ADAMTS13: variants seen among roughly 807,000 people sequenced by gnomAD.
The protein encoded by ADAMTS13 is A disintegrin and metalloproteinase with thrombospondin motifs 13.
A neutral mutation model predicts 155.1 loss-of-function variants in ADAMTS13; 110 were observed. The ratio of observed to expected loss-of-function variants is 0.71; its 90% CI spans 0.61 to 0.83. The LOEUF (loss-of-function observed/expected upper bound fraction) is 0.83, where lower values mean the gene tolerates loss of function less well. Among genes scored for constraint, ADAMTS13 ranks in the 40% least tolerant of loss-of-function variants. The pLI is 0.00. For missense variants in ADAMTS13, 1,707 were observed against 1,891.7 expected, an observed-to-expected ratio of 0.90 and a Z score of 1.81; for synonymous variants, 758 against 756.4, an observed-to-expected ratio of 1.00 and a Z score of -0.03.
chr9:133,436,912 C>T lies in ADAMTS13; in HGVS notation c.1392C>T (p.Gly464=), dbSNP rs782239711. ...DGQPLRSSPG[G]ASFYHWGAAV... is the part of the protein sequence containing the mutation. Reference sequence around the variant, plus strand: ...AGCCGCTGCGCTCCTCCCCTGGCGGCGCCTCCTTCTACCACTGGGGTGCTG... The same window carrying T: ...AGCCGCTGCGCTCCTCCCCTGGCGGTGCCTCCTTCTACCACTGGGGTGCTG... Residue 464 remains glycine, a synonymous_variant, in exon 12 of 29, where the codon GGC becomes GGT. Transcript: ENST00000355699. 1.6e-5 allele frequency: 26 copies of T among 1,589,562 alleles called. No individual in the cohort carries two copies. Among genetic ancestry groups the T allele is most frequent in the East Asian group, 9.1e-5 (4 of 44,056 alleles).
chr9:133,443,746 G>C (rs1841863810), intron 19 of ADAMTS13, among the ~76,000 whole-genome samples, 185 bp downstream of exon 19: 1 of 152,174 alleles, frequency 6.6e-6, no homozygotes, highest in South Asian at 2.1e-4. Flanking sequence ...TACTACCCAG[G>C]AGAGCCTGGG....
Position 133,426,070 on chromosome 9 carries a change from A to G in ADAMTS13, c.539+8A>G, listed in dbSNP as rs782433505. 1 of 1,613,836 alleles carries G rather than the reference A, an allele frequency of 6.2e-7. No homozygotes were observed. The highest frequency in any genetic ancestry group is 1.1e-5 in the South Asian group (1 of 91,082). On this transcript the variant is annotated splice_region_variant and intron_variant, in intron 5 of 28. Coordinates refer to ENST00000355699, the MANE Select transcript of ADAMTS13 (RefSeq NM_139027.6). Reference sequence around the variant, plus strand: ...GGTCCTCTATATCACTAGGTAGCCGAGCTTTCTGATGGGTGCTGGCCAGCC... The same window carrying G: ...GGTCCTCTATATCACTAGGTAGCCGGGCTTTCTGATGGGTGCTGGCCAGCC...
upstream of ADAMTS13, chr9:133,422,249 G>C: frequency 1.6e-6 from 1 of 625,852 alleles, no homozygotes. Context: ...GCAAGGCCCA[G>C]CTTGCAGCAG....
At chr9:133,417,659 T>G, upstream of ADAMTS13, 5 of 1,614,070 alleles carry the variant, frequency 3.1e-6, no homozygotes, top group Non-Finnish European at 4.2e-6. Flanking sequence ...AGTCTTCTGG[T>G]GCCTTTGGAG....
At chr9:133,418,834 G>C (rs930958017), upstream of ADAMTS13, among the ~76,000 whole-genome samples, 1 of 152,228 alleles carries the variant, frequency 6.6e-6, no homozygotes, top group Non-Finnish European at 1.5e-5. Flanking sequence ...TCTGCCTGTG[G>C]ATTTTATTTC....
At position 133,425,713 on chromosome 9, in the gene ADAMTS13, C is replaced by G; in HGVS notation, c.414+101C>G. 7.0e-7 allele frequency: 1 copy of G among 1,438,682 alleles called. No individual in the cohort carries two copies. Among genetic ancestry groups the G allele is most frequent in the Non-Finnish European group, 9.6e-7 (1 of 1,046,586 alleles). 89.1% of individuals were successfully genotyped at this position (1,438,682 alleles called of 1,614,324 possible). Reference sequence around the variant, plus strand: ...CTCTTGTCCCGGATGCCCCAAGCAGCATGGATCACAGAATGCATTCAGCCA... The same window carrying G: ...CTCTTGTCCCGGATGCCCCAAGCAGGATGGATCACAGAATGCATTCAGCCA... On this transcript the variant is annotated intron_variant, in intron 4 of 28. Transcript: ENST00000355699. This position sits in a 1 kb window ranked among gnomAD's most constrained non-coding sequence, Gnocchi z 4.6.
At chr9:133,438,684 C>T (rs1317667101) in intron 14 of ADAMTS13, among the ~76,000 whole-genome samples, 1 of 152,090 alleles carries the variant, frequency 6.6e-6, no homozygotes, top group Admixed American at 6.5e-5. Flanking sequence ...GAGGCTGAGG[C>T]GGGTGGATCA....
At chr9:133,435,894 C>T (rs1271481307) in intron 11 of ADAMTS13, among the ~76,000 whole-genome samples, 2 of 152,050 alleles carry the variant, frequency 1.3e-5, no homozygotes, top group East Asian at 3.8e-4. Flanking sequence ...TTCACATTCC[C>T]ACCAGCATTG....
At chr9:133,436,806 C>T in intron 11 of ADAMTS13, 23 bp from the exon 12 acceptor site, 1 of 1,331,038 alleles carries the variant, frequency 7.5e-7, no homozygotes, top group African/African-American at 1.5e-5. Context: ...CGCCATCCCC[C>T]TCCTCTGCCT....
chr9:133,422,579 TG>T, intron 1 of ADAMTS13, 31 bp downstream of exon 1: 6 of 1,608,268 alleles, frequency 3.7e-6, no homozygotes, highest in Non-Finnish European at 5.1e-6. Context: ...GGGGGTATTC[TG>T]GGAGCCTCTG....
Position 133,442,733 on chromosome 9 carries a change from T to C in ADAMTS13, c.2224T>C (p.Cys742Arg). ...AWPEACVLEP[C>R]PPYWAVGDFG... ...GCCAGAGGCCTGCGTGCTCGAACCC[T>C]GCCCTCCCTAGTGAGTGTGGTGCTG... The change falls in exon 18 of 29, where the codon TGC becomes CGC. Residue 742 changes from cysteine to arginine, a missense_variant. Coordinates refer to ENST00000355699, the MANE Select transcript of ADAMTS13 (RefSeq NM_139027.6). 6.2e-7 allele frequency: 1 copy of C among 1,612,652 alleles called. No homozygotes were observed. Among genetic ancestry groups the C allele is most frequent in the Non-Finnish European group, 8.5e-7 (1 of 1,179,914 alleles).
In ADAMTS13 at chr9:133,445,041, G is replaced by C. The variant is rs1841963511; in HGVS notation, c.2599G>C (p.Gly867Arg). ...EPCVGMSCPP[G>R]WGHLDATSAG... is the part of the protein sequence containing the mutation. The stretch of plus-strand genomic sequence containing the variant: ...CTGTGTCGGGATGTCATGTCCTCCA[G>C]GCTGGGGCCATGTGAGTGCCCTGGG... The change falls in exon 20 of 29, where the codon GGC becomes CGC. Residue 867 changes from glycine to arginine, a missense_variant. Gly to Arg is a moderately radical substitution (Grantham distance 125). This residue lies in a region of ADAMTS13 where 961 missense variants were observed against 1,107.9 expected (regional missense o/e 0.87). Coordinates refer to ENST00000355699, the MANE Select transcript of ADAMTS13 (RefSeq NM_139027.6). This position sits in a 1 kb window ranked among gnomAD's most constrained non-coding sequence, Gnocchi z 5.0. The C allele has an allele frequency of 1.9e-6, 3 of 1,613,052 alleles. No individual in the cohort carries two copies. The highest frequency in any genetic ancestry group is 2.2e-5 in the East Asian group (1 of 44,886).
At position 133,455,389 on chromosome 9, in the gene ADAMTS13, G is replaced by A. The variant is rs782343769; in HGVS notation, c.3354G>A (p.Lys1118=). ...VPADFCQHLP[K]PVTVRGCWAG... is the part of the protein sequence containing the mutation. Reference sequence around the variant, plus strand: ...CTGATTTCTGCCAGCACTTGCCCAAGCCGGTGACTGTGCGTGGCTGCTGGG... The same window carrying A: ...CTGATTTCTGCCAGCACTTGCCCAAACCGGTGACTGTGCGTGGCTGCTGGG... Residue 1118 remains lysine (K), a synonymous_variant, in exon 25 of 29, where the codon AAG becomes AAA. Coordinates refer to ENST00000355699, the MANE Select transcript of ADAMTS13 (RefSeq NM_139027.6). 1 of 1,612,610 alleles carries A rather than the reference G, an allele frequency of 6.2e-7. No homozygotes were observed. Among genetic ancestry groups the A allele is most frequent in the Non-Finnish European group, 8.5e-7 (1 of 1,179,948 alleles).
At chr9:133,446,078 G>T (rs587764465) in intron 21 of ADAMTS13, among the ~76,000 whole-genome samples, 34 of 152,340 alleles carry the variant, frequency 2.2e-4, no homozygotes, top group African/African-American at 8.2e-4. Context: ...GGTCCTAGCA[G>T]AGCGGCCGGG....
intron 7 of ADAMTS13, chr9:133,429,664 C>G: frequency 3.1e-6 from 2 of 635,490 alleles, no homozygotes. Context: ...CCGCACCGCT[C>G]CCGGGCCTAA....
intron 6 of ADAMTS13, among the ~76,000 whole-genome samples, chr9:133,427,841 G>A (rs907319505): frequency 2.0e-5 from 3 of 152,180 alleles, no homozygotes; most frequent in African/African-American, 4.8e-5. Flanking sequence ...AAATTAAGGG[G>A]CCAGATTATG....
intron 21 of ADAMTS13, among the ~76,000 whole-genome samples, 182 bp downstream of exon 21, chr9:133,446,001 G>T (rs940278480): frequency 2.0e-5 from 3 of 152,210 alleles, no homozygotes; most frequent in African/African-American, 7.2e-5. Context: ...AAATGTGGGT[G>T]TTGATTGGCT....
chr9:133,445,573 G>T lies in ADAMTS13; in HGVS notation c.2611-126G>T. On this transcript the variant is annotated intron_variant, in intron 20 of 28. Transcript: ENST00000355699. This position sits in a 1 kb window ranked among gnomAD's most constrained non-coding sequence, Gnocchi z 5.0. Reference sequence around the variant, plus strand: ...AGCCGATCTCGCCAAGGGAGGAGGGGAGGGAGCCCCTGGTGCACACACGCC... The same window carrying T: ...AGCCGATCTCGCCAAGGGAGGAGGGTAGGGAGCCCCTGGTGCACACACGCC... The T allele has an allele frequency of 2.7e-6, 4 of 1,465,234 alleles. No homozygotes were observed. In the South Asian group the frequency reaches 4.7e-5, roughly 17 times the overall value. 90.8% of individuals were successfully genotyped at this position (1,465,234 alleles called of 1,614,324 possible).
rs781931538 is a variant in ADAMTS13, at chr9:133,455,593, AGTGCAGTCCAGTTAT to A, written c.3400+161_3400+175del. Reference sequence around the variant, plus strand: ...TCCTGCCCGGGCCCCAGGAAAACTCAGTGCAGTCCAGTTATGTCCTGTCCTCCTTCCTGTCAGGCA... The same window carrying A: ...TCCTGCCCGGGCCCCAGGAAAACTCAGTCCTGTCCTCCTTCCTGTCAGGCA... On this transcript the variant is annotated intron_variant, in intron 25 of 28. Transcript: ENST00000355699. The A allele has an allele frequency of 1.7e-5, 28 of 1,602,416 alleles. No homozygotes were observed. In the East Asian group the frequency reaches 6.2e-4, roughly 36 times the overall value.
Sources: gnomAD v4.1 joint callset for allele counts (sites outside exome capture counted in the v4.1 genomes callset) on GRCh38, gnomAD v4.1.1 for gene constraint, gnomAD v4.1.1 regional missense constraint, Gnocchi (gnomAD v3.1) non-coding constraint, MANE v1.5 for transcripts, NCBI Gene and HGNC (gene_info 2026-07-23, HGNC 2026-07-21) for gene names.